Variants in SAMD4B observed in about 807,000 individuals in gnomAD.
The protein encoded by SAMD4B is protein Smaug homolog 2.
SAMD4B carries 5 observed loss-of-function variants against 74.5 expected under a neutral mutation model. That is an observed-to-expected ratio of 0.07 (90% CI 0.04 to 0.14). SAMD4B has a LOEUF of 0.14. Ranked by LOEUF, SAMD4B falls within the 10% of genes least tolerant of loss-of-function variation. The probability of loss-of-function intolerance (pLI) is 1.00; values close to 1 mark genes in which losing one functional copy is unlikely to be tolerated. For synonymous variants in SAMD4B, 373 were observed against 374.9 expected, an observed-to-expected ratio of 1.00 and a Z score of 0.06; for missense variants, 608 against 921.8, an observed-to-expected ratio of 0.66 and a Z score of 4.41.
downstream of SAMD4B, chr19:39,390,410 T>C: frequency 1.1e-6 from 1 of 913,166 alleles, no homozygotes; most frequent in Non-Finnish European, 1.8e-6. Flanking sequence ...CTTTGGGTGG[T>C]GGTGTGGGGA....
downstream of SAMD4B, chr19:39,388,481 C>A (rs779722698): frequency 1.9e-6 from 3 of 1,614,178 alleles, no homozygotes; most frequent in South Asian, 3.3e-5. Context: ...AAGATGAGGG[C>A]ACAGGTTCAG....
intron 3 of SAMD4B, among the ~76,000 whole-genome samples, chr19:39,362,904 G>T (rs924483943): frequency 6.6e-6 from 1 of 152,066 alleles, no homozygotes; most frequent in Non-Finnish European, 1.5e-5. Context: ...TGAGTCATCA[G>T]AGCTCAGCCC....
chr19:39,377,833 A>T lies in SAMD4B; in HGVS notation c.1444+9A>T. 1 of 1,568,402 alleles carries T rather than the reference A, an allele frequency of 6.4e-7. No homozygotes were observed. The highest frequency in any genetic ancestry group is 8.7e-7 in the Non-Finnish European group (1 of 1,154,074). ...ACGGGTGATGGGCAAAGGTGAGACC[A>T]GCCACAGCCTAGCAGGAAATCCTGA... On this transcript the variant is annotated intron_variant, in intron 8 of 13. Transcript: ENST00000610417.
At position 39,383,217 on chromosome 19, in the gene SAMD4B, T is replaced by A. The variant is rs757672726; in HGVS notation, c.1982T>A (p.Val661Asp). 6.2e-7 allele frequency: 1 copy of A among 1,613,944 alleles called. No homozygotes were observed. The highest frequency in any genetic ancestry group is 8.5e-7 in the Non-Finnish European group (1 of 1,179,938). ...AILMFPPDCPVPGPDLEINPT... is the reference protein window; with the variant it reads ...AILMFPPDCPDPGPDLEINPT... ...CCTCTCTCCCACCCAGACTGCCCGGTTCCTGGGCCTGACCTGGAGATCAAT... is the reference window on the plus strand; with the variant it reads ...CCTCTCTCCCACCCAGACTGCCCGGATCCTGGGCCTGACCTGGAGATCAAT... Residue 661 changes from valine (V) to aspartate (D), a missense_variant, in exon 13 of 14, where the codon GTT becomes GAT. Around this residue, in one of 9 missense-constraint regions of SAMD4B, gnomAD observed 167 missense variants for 193.0 expected, o/e 0.87. Transcript: ENST00000610417. The surrounding 1 kb of genome is among the most constrained non-coding windows in gnomAD (Gnocchi z 4.1).
At position 39,385,522 on chromosome 19, in the gene SAMD4B, G is replaced by A. The variant is rs2078224956; in HGVS notation, c.*1995G>A. On this transcript the variant is annotated 3_prime_UTR_variant, in exon 14 of 14. Transcript: ENST00000610417. ...TCTCCCGCTCCAGCCCCCTCCCCAG[G>A]CCCTCCTCCATGATTTCACCCTCCC... is the stretch of plus-strand genomic sequence containing the variant. The A allele has an allele frequency of 2.1e-6, 1 of 472,578 alleles. No individual in the cohort carries two copies. Among genetic ancestry groups the A allele is most frequent in the Non-Finnish European group, 3.7e-6 (1 of 270,786 alleles). The allele number at this position is 472,578 out of a possible 1,614,324, so 29.3% of individuals were successfully genotyped here. A position where few individuals can be genotyped will look rare whatever the true frequency, so the allele number is the denominator to read the frequency against.
intron 3 of SAMD4B, among the ~76,000 whole-genome samples, chr19:39,366,539 A>C (rs1389023098): frequency 6.6e-6 from 1 of 152,206 alleles, no homozygotes; most frequent in African/African-American, 2.4e-5. Context: ...CCAGGCCAAG[A>C]AAATGCACAG....
At chr19:39,344,961 A>G (rs1223862247) in intron 1 of SAMD4B, among the ~76,000 whole-genome samples, 1 of 152,084 alleles carries the variant, frequency 6.6e-6, no homozygotes, top group East Asian at 1.9e-4. Flanking sequence ...TCCTCACCAA[A>G]TAATCCCTTC....
downstream of SAMD4B, chr19:39,390,236 C>T (rs778233529): frequency 4.3e-6 from 7 of 1,613,756 alleles, no homozygotes; most frequent in African/African-American, 5.3e-5. Flanking sequence ...CCCACCGCTC[C>T]TGGGAAAGCA....
chr19:39,377,573 A>G lies in SAMD4B; in HGVS notation c.1193A>G (p.Gln398Arg). 2 of 1,613,838 alleles carry G rather than the reference A, an allele frequency of 1.2e-6. No individual in the cohort carries two copies. Among genetic ancestry groups the G allele is most frequent in the Non-Finnish European group, 1.7e-6 (2 of 1,179,816 alleles). The change falls in exon 8 of 14, where the codon CAG (glutamine) becomes CGG (arginine). Residue 398 changes from glutamine (Q) to arginine (R), a missense_variant. Gln to Arg is a conservative substitution (Grantham distance 43). Transcript: ENST00000610417. ...CCCATCAAGGCCTACAGTGTCCTCC[A>G]GGCCACCGTGGCTGCCGCCACCACC... Reference protein sequence around the residue: ...ITPIKAYSVLQATVAAATTTP... With the variant: ...ITPIKAYSVLRATVAAATTTP...
rs1260583573 is a variant in SAMD4B at position 39,380,569 on chromosome 19, C to T, written c.1650-18C>T. 3 of 1,613,800 alleles carry T rather than the reference C, an allele frequency of 1.9e-6. No individual in the cohort carries two copies. The highest frequency in any genetic ancestry group is 1.3e-5 in the African/African-American group (1 of 75,052). On this transcript the variant is annotated intron_variant, in intron 10 of 13. Transcript: ENST00000610417. ...CCCATCTATGTAAATTAACACCCTG[C>T]CTTCTGCTCTCTCATAGCTGGGCAT...
chr19:39,358,159 T>C (rs570155553), intron 3 of SAMD4B, among the ~76,000 whole-genome samples: 11 of 152,194 alleles, frequency 7.2e-5, no homozygotes, highest in Admixed American at 5.9e-4. Flanking sequence ...TAATCCCAGC[T>C]ACTCGGGAGG....
Position 39,376,317 on chromosome 19 carries a change from A to G in SAMD4B, c.908-120A>G, listed in dbSNP as rs1051015087. 87 of 746,350 alleles carry G rather than the reference A, an allele frequency of 1.2e-4. No individual in the cohort carries two copies. In the South Asian group the frequency reaches 1.4e-3, roughly 12 times the overall value. The allele number at this position is 746,350 out of a possible 1,614,324, so 46.2% of individuals were successfully genotyped here. A position where few individuals can be genotyped will look rare whatever the true frequency, so the allele number is the denominator to read the frequency against. On this transcript the variant is annotated intron_variant, in intron 5 of 13. Transcript: ENST00000610417. ...GCTGATGGAACCTTAGCTCCCCCCA[A>G]CCCCCTCCCAATTTTTTGCATCTTT...
At chr19:39,389,988 GCAGA>G (rs879035213), downstream of SAMD4B, 7 of 1,201,104 alleles carry the variant, frequency 5.8e-6, no homozygotes, top group South Asian at 6.2e-5. This position sits in a 1 kb window ranked among gnomAD's most constrained non-coding sequence, Gnocchi z 5.3. Flanking sequence ...TAGGCCCTGA[GCAGA>G]CAGCAGCCAA....
chr19:39,345,082 C>G (rs933760382), intron 1 of SAMD4B, among the ~76,000 whole-genome samples: 2 of 152,186 alleles, frequency 1.3e-5, no homozygotes, highest in Non-Finnish European at 2.9e-5. Context: ...AACCTGGGAG[C>G]AGGGCCCAGC....
intron 3 of SAMD4B, among the ~76,000 whole-genome samples, chr19:39,362,921 C>T (rs1276150198): frequency 1.3e-5 from 2 of 152,050 alleles, no homozygotes; most frequent in Non-Finnish European, 2.9e-5. Context: ...GCCCTGTCCT[C>T]CACCCTCCAC....
chr19:39,365,771 A>G (rs936972818), intron 3 of SAMD4B, among the ~76,000 whole-genome samples: 1 of 152,226 alleles, frequency 6.6e-6, no homozygotes, highest in Non-Finnish European at 1.5e-5. Flanking sequence ...AGTATCCTTC[A>G]TTCTGAATGA....
At chr19:39,389,430 T>C, downstream of SAMD4B, 1 of 1,607,352 alleles carries the variant, frequency 6.2e-7, no homozygotes, top group South Asian at 1.1e-5. This position sits in a 1 kb window ranked among gnomAD's most constrained non-coding sequence, Gnocchi z 5.3. Context: ...CCCTCCTGCT[T>C]GTAGGGCCCA....
chr19:39,351,280 A>G (rs1175611168), intron 1 of SAMD4B: 5 of 152,302 alleles, frequency 3.3e-5, no homozygotes, highest in South Asian at 2.1e-4. Context: ...CACTGCACCC[A>G]GCCCTCTTAG....
chr19:39,369,641 T>C lies in SAMD4B; in HGVS notation c.197-14T>C, dbSNP rs1387241915. 1.2e-6 allele frequency: 2 copies of C among 1,610,554 alleles called. No individual in the cohort carries two copies. The highest frequency in any genetic ancestry group is 1.7e-4 in the Middle Eastern group (1 of 6,046). ...CCCTGGCTCTCCTGATATTTCTTCT[T>C]ATCCCTTCTGTAGCCATCGTCAGCC... On this transcript the variant is annotated splice_polypyrimidine_tract_variant and intron_variant, in intron 3 of 13. Transcript: ENST00000610417.
Sources: allele counts gnomAD v4.1 joint callset (sites outside exome capture counted in the v4.1 genomes callset), GRCh38; gene constraint gnomAD v4.1.1; regional missense constraint gnomAD v4.1.1; non-coding constraint Gnocchi (gnomAD v3.1); transcripts MANE v1.5; gene names NCBI Gene and HGNC (gene_info 2026-07-23, HGNC 2026-07-21).